Variants in MYT1L observed in about 807,000 individuals in gnomAD.
The protein encoded by MYT1L is myelin transcription factor 1 like.
A neutral mutation model predicts 126.7 loss-of-function variants in MYT1L; 12 were observed. That is an observed-to-expected ratio of 0.09 (90% confidence interval 0.06 to 0.15). The LOEUF is 0.15. Ranked by LOEUF, MYT1L falls within the 10% of genes least tolerant of loss-of-function variation. The pLI is 1.00. For missense variants in MYT1L, 979 were observed against 1,585.2 expected, an observed-to-expected ratio of 0.62 and a Z score of 6.49; for synonymous variants, 541 against 604.2, an observed-to-expected ratio of 0.90 and a Z score of 1.53.
intron 1 of MYT1L, among the ~76,000 whole-genome samples, chr2:2,308,676 C>G (rs1038609880): frequency 4.7e-5 from 7 of 150,332 alleles, no homozygotes; most frequent in Admixed American, 4.6e-4. Context: ...CTACCTATAT[C>G]TTACCTACTC....
chr2:2,139,828 T>C (rs893516140), intron 3 of MYT1L, among the ~76,000 whole-genome samples: 2 of 152,032 alleles, frequency 1.3e-5, no homozygotes, highest in South Asian at 2.1e-4. Flanking sequence ...TTGAGAAAAA[T>C]ATTTTCTTTA....
intron 8 of MYT1L, among the ~76,000 whole-genome samples, chr2:1,976,468 C>G (rs954597933): frequency 6.6e-6 from 1 of 152,096 alleles, no homozygotes; most frequent in Non-Finnish European, 1.5e-5. Flanking sequence ...GTGGTGAAAC[C>G]CTGTCTCTAC....
chr2:2,309,426 T>C (rs969282004), intron 1 of MYT1L, among the ~76,000 whole-genome samples: 1 of 151,902 alleles, frequency 6.6e-6, no homozygotes, highest in Non-Finnish European at 1.5e-5. Flanking sequence ...TTCTCTATGC[T>C]TCATCTGCAC....
chr2:2,211,815 A>C (rs868830651), intron 2 of MYT1L, among the ~76,000 whole-genome samples: 1 of 132,960 alleles, frequency 7.5e-6, no homozygotes, highest in Non-Finnish European at 1.7e-5. Flanking sequence ...AAAAAAAAAA[A>C]AAAAAACCAA....
chr2:2,243,927 CCAGCAGAAAGACCACA>C (rs1353194213), intron 2 of MYT1L, among the ~76,000 whole-genome samples: 1 of 152,114 alleles, frequency 6.6e-6, no homozygotes. Flanking sequence ...AGCAGCCATT[CCAGCAGAAAGACCACA>C]TGCAGGATTG....
At chr2:2,236,478 C>A (rs560848110) in intron 2 of MYT1L, among the ~76,000 whole-genome samples, 27 of 149,460 alleles carry the variant, frequency 1.8e-4, no homozygotes, top group African/African-American at 6.4e-4. Flanking sequence ...ACATCCCAAC[C>A]CAACCCAGCA....
rs1442253539 is a variant in MYT1L, at chr2:1,848,355, G to T, written c.2774+3286C>A. ...GACACCACGGAAGCGCGAGGCGTTT[G>T]TCCTGGGAGCAGGAGGGAGAATTCC... On this transcript the variant is annotated intron_variant, in intron 19 of 24. Coordinates refer to ENST00000647738, the MANE Select transcript of MYT1L (RefSeq NM_001303052.2). The surrounding 1 kb of genome is among the most constrained non-coding windows in gnomAD (Gnocchi z 4.8). 1.9e-5 allele frequency among the ~76,000 whole-genome samples: 2 copies of T among 106,174 alleles called. No homozygotes were observed. The highest frequency in any genetic ancestry group is 3.8e-5 in the Non-Finnish European group (2 of 52,586). 69.7% of individuals were successfully genotyped at this position (106,174 alleles called of 152,430 possible).
chr2:2,179,532 A>C (rs535125135), intron 2 of MYT1L, among the ~76,000 whole-genome samples: 20 of 152,330 alleles, frequency 1.3e-4, no homozygotes, highest in African/African-American at 4.8e-4. Flanking sequence ...TATCATGACA[A>C]CACCTTACAC....
chr2:1,876,461 A>G (rs949474645), intron 18 of MYT1L, among the ~76,000 whole-genome samples: 2 of 151,726 alleles, frequency 1.3e-5, no homozygotes, highest in African/African-American at 4.8e-5. Flanking sequence ...TCCACTCTCC[A>G]CACAGCTCCT....
intron 3 of MYT1L, among the ~76,000 whole-genome samples, chr2:2,100,930 G>A (rs940124961): frequency 5.3e-5 from 8 of 152,192 alleles, no homozygotes; most frequent in Admixed American, 2.0e-4. Context: ...AGAATAGCAC[G>A]TAGATAATAA....
In MYT1L at chr2:2,170,736, CCT is replaced by C. The variant is rs1267002916; in HGVS notation, c.-304+2134_-304+2135del. Among the ~76,000 whole-genome samples, 4 of 152,164 alleles carry C rather than the reference CCT, an allele frequency of 2.6e-5. No homozygotes were observed. The East Asian group carries it at 5.8e-4, about 22-fold the overall frequency. ...TAGAGAAAATAGATATTGACCATCC[CCT>C]GAGAGTCAAACACTAATCTTTAAAA... On this transcript the variant is annotated intron_variant, in intron 3 of 24. Transcript: ENST00000647738.
At chr2:1,812,968 C>T (rs1001083871) in intron 21 of MYT1L, among the ~76,000 whole-genome samples, 1 of 151,866 alleles carries the variant, frequency 6.6e-6, no homozygotes, top group African/African-American at 2.4e-5. Flanking sequence ...CTGCAGAGGT[C>T]CTAAGACTGT....
At chr2:1,821,798 G>C (rs1051650307) in intron 21 of MYT1L, among the ~76,000 whole-genome samples, 1 of 152,174 alleles carries the variant, frequency 6.6e-6, no homozygotes, top group Non-Finnish European at 1.5e-5. Flanking sequence ...TGGATTCCCG[G>C]AGCCACACGG....
At chr2:1,875,940 G>A (rs182061652) in intron 18 of MYT1L, among the ~76,000 whole-genome samples, 24 of 152,228 alleles carry the variant, frequency 1.6e-4, no homozygotes, top group Middle Eastern at 6.8e-3. Flanking sequence ...ATGTGTTACA[G>A]GAAAAACGCA....
At chr2:1,919,760 G>T (rs950822152) in intron 10 of MYT1L, among the ~76,000 whole-genome samples, 2 of 151,918 alleles carry the variant, frequency 1.3e-5, no homozygotes, top group African/African-American at 4.8e-5. Flanking sequence ...ACGGAGTCTC[G>T]CTCTGTCCCC....
intron 1 of MYT1L, among the ~76,000 whole-genome samples, chr2:2,295,747 G>GAGACAGACAGACAGAGAGAGAGAT (rs2095678773): frequency 7.3e-6 from 1 of 137,724 alleles, no homozygotes; most frequent in Non-Finnish European, 1.7e-5. Flanking sequence ...CAGACAGAGA[G>GAGACAGACAGACAGAGAGAGAGAT]AGAGAGACAG....
At chr2:2,259,781 G>T (rs2094916492) in intron 2 of MYT1L, among the ~76,000 whole-genome samples, 1 of 152,298 alleles carries the variant, frequency 6.6e-6, no homozygotes, top group South Asian at 2.1e-4. Context: ...GGAATCCTGG[G>T]TTGGAGCCCT....
In MYT1L at chr2:1,929,523, CCTA is replaced by C. The variant is rs1558434738; in HGVS notation, c.506-6263_506-6261del. Among the ~76,000 whole-genome samples, 1 of 152,220 alleles carries C rather than the reference CCTA, an allele frequency of 6.6e-6. No homozygotes were observed. The highest frequency in any genetic ancestry group is 1.5e-5 in the Non-Finnish European group (1 of 68,040). ...GCTCTAGCCATCACCGTCACGCTTCCCTACTACATCTAACTCAGCAGTGCTTCT... is the reference window on the plus strand; with the variant it reads ...GCTCTAGCCATCACCGTCACGCTTCCCTACATCTAACTCAGCAGTGCTTCT... On this transcript the variant is annotated intron_variant, in intron 9 of 24. Transcript: ENST00000647738. The surrounding 1 kb of genome is among the most constrained non-coding windows in gnomAD (Gnocchi z 4.7).
intron 1 of MYT1L, among the ~76,000 whole-genome samples, chr2:2,309,103 T>A (rs532055026): frequency 3.9e-5 from 6 of 152,058 alleles, no homozygotes; most frequent in African/African-American, 9.6e-5. Flanking sequence ...TTCAGTGTAC[T>A]CTACTCATAC....
Sources: allele counts gnomAD v4.1 joint callset (sites outside exome capture counted in the v4.1 genomes callset), GRCh38; gene constraint gnomAD v4.1.1; non-coding constraint Gnocchi (gnomAD v3.1); transcripts MANE v1.5; gene names NCBI Gene and HGNC (gene_info 2026-07-23, HGNC 2026-07-21).